Variants in MTFR2 observed in about 807,000 individuals in gnomAD.
The protein encoded by MTFR2 is DUF729 domain-containing protein 1.
A neutral mutation model predicts 41.2 loss-of-function variants in MTFR2; 44 were observed. That is an observed-to-expected ratio of 1.07 (90% CI 0.84 to 1.37). The LOEUF (loss-of-function observed/expected upper bound fraction) is 1.37, where lower values mean the gene tolerates loss of function less well. Ranked by LOEUF, MTFR2 falls within the 40% of genes most tolerant of loss-of-function variation. The probability of loss-of-function intolerance (pLI) is 0.00; values close to 1 mark genes in which losing one functional copy is unlikely to be tolerated. For synonymous variants in MTFR2, 141 were observed against 154.6 expected (o/e 0.91, Z 0.65); for missense variants, 452 against 459.5 (o/e 0.98, Z 0.15).
chr6:136,243,082 A>G, intron 3 of MTFR2, 109 bp from the exon 4 acceptor site: 1 of 627,388 alleles, frequency 1.6e-6, no homozygotes, highest in East Asian at 3.2e-5. Context: ...AAAAATAAAA[A>G]GAATATTCAA....
At chr6:136,249,319 A>G (rs1439441454) in intron 1 of MTFR2, among the ~76,000 whole-genome samples, 166 bp from the exon 2 acceptor site, 2 of 152,348 alleles carry the variant, frequency 1.3e-5, no homozygotes, top group East Asian at 3.9e-4. Flanking sequence ...TGGGGGAAAG[A>G]GAGGGTTGTA....
chr6:136,234,831 G>C (rs1055186640), intron 6 of MTFR2, among the ~76,000 whole-genome samples: 1 of 152,222 alleles, frequency 6.6e-6, no homozygotes, highest in Non-Finnish European at 1.5e-5. Context: ...CCACAGAATT[G>C]AGCTATGTGC....
chr6:136,233,307 T>A lies in MTFR2; in HGVS notation c.1044+18A>T. The A allele has an allele frequency of 6.2e-7, 1 of 1,601,678 alleles. No homozygotes were observed. Among genetic ancestry groups the A allele is most frequent in the South Asian group, 1.1e-5 (1 of 89,670 alleles). On this transcript the variant is annotated intron_variant, in intron 7 of 7. Transcript: ENST00000420702. ...CTGAGAAAAACTGAAAAATTAATTT[T>A]ACATTAGTGTAGCTTACCCTTGAAG...
chr6:136,236,695 C>T (rs1249169484), intron 6 of MTFR2, among the ~76,000 whole-genome samples: 1 of 152,066 alleles, frequency 6.6e-6, no homozygotes, highest in Non-Finnish European at 1.5e-5. Context: ...ACAAGGATTT[C>T]ACTTAAAATG....
At chr6:136,232,408 G>A (rs1261704013) in intron 7 of MTFR2, among the ~76,000 whole-genome samples, 7 of 152,090 alleles carry the variant, frequency 4.6e-5, no homozygotes, top group African/African-American at 1.2e-4. Context: ...ACAGATGCGT[G>A]CCACCACACC....
At chr6:136,232,974 TA>T (rs774304100) in intron 7 of MTFR2, among the ~76,000 whole-genome samples, 1 of 152,214 alleles carries the variant, frequency 6.6e-6, no homozygotes, top group Admixed American at 6.5e-5. Flanking sequence ...TCCATATGGT[TA>T]GGGGGAATCT....
chr6:136,246,354 T>G (rs1351098901), intron 2 of MTFR2, among the ~76,000 whole-genome samples: 1 of 151,652 alleles, frequency 6.6e-6, no homozygotes, highest in Non-Finnish European at 1.5e-5. Flanking sequence ...ATGATCAGGG[T>G]TCACTGCAAC....
chr6:136,244,938 G>A, intron 2 of MTFR2, 69 bp from the exon 3 acceptor site: 3 of 1,196,788 alleles, frequency 2.5e-6, no homozygotes, highest in Admixed American at 2.7e-5. Flanking sequence ...TATGAAAAAA[G>A]GAGATGTAAA....
chr6:136,231,242 T>C lies in MTFR2; in HGVS notation c.*33A>G, dbSNP rs1305417269. Reference sequence around the variant, plus strand: ...AATAATTTATCATCCAGGAAGAAGTTTTGGAAGTTTAAAGCTCAACCTTAA... The same window carrying C: ...AATAATTTATCATCCAGGAAGAAGTCTTGGAAGTTTAAAGCTCAACCTTAA... On this transcript the variant is annotated 3_prime_UTR_variant, in exon 8 of 8. Coordinates refer to ENST00000420702, the MANE Select transcript of MTFR2 (RefSeq NM_001099286.3). 1 of 1,367,090 alleles carries C rather than the reference T, an allele frequency of 7.3e-7. No homozygotes were observed. The allele number at this position is 1,367,090 out of a possible 1,614,324, so 84.7% of individuals were successfully genotyped here.
Position 136,231,378 on chromosome 6 carries a change from T to C in MTFR2, c.1055A>G (p.His352Arg). ...TCGCTGTCCTTCTGACTGTGAAATG[T>C]GATGTCCAAACTGAAATAAAGCAAA... is the stretch of plus-strand genomic sequence containing the variant. ...SSPETSRFGH[H>R]ISQSEGQRTK... Residue 352 changes from histidine to arginine, a missense_variant, in exon 8 of 8, where the codon CAC (histidine) becomes CGC (arginine). Coordinates refer to ENST00000420702, the MANE Select transcript of MTFR2 (RefSeq NM_001099286.3). 1 of 1,604,584 alleles carries C rather than the reference T, an allele frequency of 6.2e-7. No individual in the cohort carries two copies. Among genetic ancestry groups the C allele is most frequent in the Non-Finnish European group, 8.5e-7 (1 of 1,174,332 alleles).
At chr6:136,247,603 G>T (rs1185135695) in intron 2 of MTFR2, 2 of 444,698 alleles carry the variant, frequency 4.5e-6, no homozygotes, top group Non-Finnish European at 8.9e-6. Flanking sequence ...GCCCCTTCAG[G>T]CTGATGGCCT....
intron 4 of MTFR2, among the ~76,000 whole-genome samples, chr6:136,242,187 C>A (rs979947828): frequency 2.0e-5 from 3 of 151,488 alleles, no homozygotes; most frequent in African/African-American, 7.3e-5. Context: ...TTTGTATTCC[C>A]AATATAAACA....
Position 136,249,074 on chromosome 6 carries a change from C to T in MTFR2, c.26G>A (p.Arg9Lys). The change falls in exon 2 of 8, where the codon AGA becomes AAA. Residue 9 changes from arginine to lysine, a missense_variant. Coordinates refer to ENST00000420702, the MANE Select transcript of MTFR2 (RefSeq NM_001099286.3). The part of the protein sequence containing the change: MSLILNIL[R>K]EMLEYFGVPV... ...AACGCCAAAATATTCCAGCATCTCT[C>T]TTAAGATATTCAGTATGAGAGACAT... is the stretch of plus-strand genomic sequence containing the variant. The T allele has an allele frequency of 7.5e-6, 12 of 1,597,080 alleles. No individual in the cohort carries two copies. The highest frequency in any genetic ancestry group is 1.0e-5 in the Non-Finnish European group (12 of 1,175,756).
intron 6 of MTFR2, among the ~76,000 whole-genome samples, chr6:136,235,087 A>G (rs778189272): frequency 6.6e-6 from 1 of 152,000 alleles, no homozygotes; most frequent in Non-Finnish European, 1.5e-5. Context: ...ACTGGGTTTC[A>G]CCATGTTGGC....
intron 2 of MTFR2, among the ~76,000 whole-genome samples, chr6:136,248,137 C>G (rs78207884): frequency 0.01 from 1,594 of 152,294 alleles, 37 homozygotes; most frequent in African/African-American, 0.036. Flanking sequence ...TCCTTACAAT[C>G]TCATATTACA....
intron 7 of MTFR2, among the ~76,000 whole-genome samples, chr6:136,231,669 T>TAAAAAAAAAAAAAAAAAAAAAAAAAA (rs71006791): frequency 6.0e-5 from 5 of 82,940 alleles, no homozygotes; most frequent in African/African-American, 2.3e-4. Context: ...AAAAACTATG[T>TAAAAAAAAAAAAAAAAAAAAAAAAAA]AAAAAAAAAA....
Position 136,244,884 on chromosome 6 carries a change from A to G in MTFR2, c.64-15T>C, listed in dbSNP as rs1780174714. On this transcript the variant is annotated splice_polypyrimidine_tract_variant and intron_variant, in intron 2 of 7. Transcript: ENST00000420702. ...ATCAGCAAAACCTATTTTAAACATA[A>G]AGTATGAATTAAAATGCACTCTGAT... is the stretch of plus-strand genomic sequence containing the variant. 6.4e-7 allele frequency: 1 copy of G among 1,555,306 alleles called. No individual in the cohort carries two copies. The highest frequency in any genetic ancestry group is 1.4e-5 in the African/African-American group (1 of 73,542).
chr6:136,241,796 A>G (rs1366326918), intron 4 of MTFR2, 120 bp from the exon 5 acceptor site: 2 of 797,452 alleles, frequency 2.5e-6, no homozygotes, highest in Admixed American at 5.8e-5. Flanking sequence ...AGCTACTCTC[A>G]GGCCGGGCAC....
intron 2 of MTFR2, chr6:136,248,793 G>A: frequency 2.2e-6 from 1 of 465,086 alleles, no homozygotes; most frequent in Non-Finnish European, 3.7e-6. Flanking sequence ...TGAAGCTCAT[G>A]TCTATATTTT....
Sources: gnomAD v4.1 joint callset for allele counts (sites outside exome capture counted in the v4.1 genomes callset) on GRCh38, gnomAD v4.1.1 for gene constraint, MANE v1.5 for transcripts, NCBI Gene and HGNC (gene_info 2026-07-23, HGNC 2026-07-21) for gene names.